Variants in FSHB observed in about 807,000 individuals in gnomAD.
FSHB encodes follitropin subunit beta.
Under a neutral mutation model 12.1 loss-of-function variants are expected in FSHB, and 8 were observed. That is an observed-to-expected ratio of 0.66 (90% CI 0.39 to 1.19). FSHB has a LOEUF of 1.19. FSHB is among the 50% of genes most tolerant of loss of function. The pLI is 0.01. For missense variants in FSHB, 153 were observed against 157.2 expected, an observed-to-expected ratio of 0.97 and a Z score of 0.14; for synonymous variants, 55 against 54.6, an observed-to-expected ratio of 1.01 and a Z score of -0.04.
At position 30,233,511 on chromosome 11, in the gene FSHB, C is replaced by T. The variant is rs144502178; in HGVS notation, c.160-59C>T. The T allele has an allele frequency of 2.8e-3, 3,824 of 1,365,350 alleles. 31 individuals are homozygous for T. The highest frequency in any genetic ancestry group is 0.018 in the Middle Eastern group (100 of 5,596). 84.6% of individuals were successfully genotyped at this position (1,365,350 alleles called of 1,614,324 possible). A position where few individuals can be genotyped will look rare whatever the true frequency, so the allele number is the denominator to read the frequency against. On this transcript the variant is annotated intron_variant, in intron 2 of 2. Coordinates refer to ENST00000533718, the MANE Select transcript of FSHB (RefSeq NM_001382289.1). ...GTATTCAATTTCTGTCTCATTTTGA[C>T]TAAGCTAAATAGGAACTTCCACAAT...
intron 1 of FSHB, among the ~76,000 whole-genome samples, chr11:30,231,366 T>G (rs1196957802): frequency 6.6e-6 from 1 of 152,172 alleles, no homozygotes; most frequent in Non-Finnish European, 1.5e-5. Context: ...TGGTGGCTCA[T>G]GCTTGTAATC....
At position 30,231,857 on chromosome 11, in the gene FSHB, G is replaced by T; in HGVS notation, c.-37-9G>T. The T allele has an allele frequency of 6.2e-7, 1 of 1,606,998 alleles. No individual in the cohort carries two copies. Among genetic ancestry groups the T allele is most frequent in the Non-Finnish European group, 8.5e-7 (1 of 1,174,022 alleles). On this transcript the variant is annotated splice_polypyrimidine_tract_variant and intron_variant, in intron 1 of 2. Coordinates refer to ENST00000533718, the MANE Select transcript of FSHB (RefSeq NM_001382289.1). ...CTTACATAATGATTATCGTTCTTTG[G>T]TTTCTCAGTTTCTAGTGGGCTTCAT...
At chr11:30,232,808 G>A (rs947192685) in intron 2 of FSHB, among the ~76,000 whole-genome samples, 2 of 152,004 alleles carry the variant, frequency 1.3e-5, no homozygotes, top group Non-Finnish European at 1.5e-5. Flanking sequence ...TTAAATGAAC[G>A]ATACTTTATT....
At position 30,233,881 on chromosome 11, in the gene FSHB, C is replaced by A. The variant is rs1489300980; in HGVS notation, c.*81C>A. ...AAAAGTCTGTGTGTGTGCAATGTGC[C>A]CAGGGGACAAACCACTGGATCAGGG... On this transcript the variant is annotated 3_prime_UTR_variant, in exon 3 of 3. Coordinates refer to ENST00000533718, the MANE Select transcript of FSHB (RefSeq NM_001382289.1). 1.7e-6 allele frequency: 2 copies of A among 1,156,556 alleles called. No individual in the cohort carries two copies. Among genetic ancestry groups the A allele is most frequent in the Non-Finnish European group, 2.5e-6 (2 of 787,716 alleles). 71.6% of individuals were successfully genotyped at this position (1,156,556 alleles called of 1,614,324 possible). A position where few individuals can be genotyped will look rare whatever the true frequency, so the allele number is the denominator to read the frequency against.
chr11:30,231,300 T>C (rs929911294), intron 1 of FSHB, among the ~76,000 whole-genome samples: 1 of 152,206 alleles, frequency 6.6e-6, no homozygotes, highest in Non-Finnish European at 1.5e-5. Context: ...AAAATATTTA[T>C]GAGATTCTAA....
intron 2 of FSHB, among the ~76,000 whole-genome samples, chr11:30,232,401 A>G (rs1378999473): frequency 6.6e-6 from 1 of 152,258 alleles, no homozygotes; most frequent in Non-Finnish European, 1.5e-5. Flanking sequence ...TAAAGGACCT[A>G]TAATATTCTC....
Position 30,232,009 on chromosome 11 carries a change from G to A in FSHB, c.107G>A (p.Arg36His), listed in dbSNP as rs138072399. The change falls in exon 2 of 3, where the codon CGT becomes CAT. Residue 36 changes from arginine (R) to histidine (H), a missense_variant. By Grantham distance (29) the Arg-to-His change is conservative. Coordinates refer to ENST00000533718, the MANE Select transcript of FSHB (RefSeq NM_001382289.1). The part of the protein sequence containing the change: ...ITIAIEKEEC[R>H]FCISINTTWC... ...ATTGCAATAGAGAAAGAAGAATGTC[G>A]TTTCTGCATAAGCATCAACACCACT... The A allele has an allele frequency of 4.8e-5, 77 of 1,613,936 alleles. No homozygotes were observed. The highest frequency in any genetic ancestry group is 1.7e-4 in the Middle Eastern group (1 of 6,058).
chr11:30,231,313 A>C (rs867256067), intron 1 of FSHB, among the ~76,000 whole-genome samples: 34 of 152,328 alleles, frequency 2.2e-4, no homozygotes, highest in African/African-American at 7.5e-4. Flanking sequence ...GATTCTAAAA[A>C]TGAAGACATA....
In FSHB at chr11:30,233,671, T is replaced by C. The variant is rs1852039089; in HGVS notation, c.261T>C (p.His87=). 1.2e-6 allele frequency: 2 copies of C among 1,614,042 alleles called. No homozygotes were observed. Among genetic ancestry groups the C allele is most frequent in the African/African-American group, 1.3e-5 (1 of 75,050 alleles). ...ETVRVPGCAH[H]ADSLYTYPVA... is the part of the protein sequence containing the mutation. ...TGAGAGTGCCCGGCTGTGCTCACCA[T>C]GCAGATTCCTTGTATACATACCCAG... Residue 87 remains histidine, a synonymous_variant, in exon 3 of 3, where the codon CAT becomes CAC. Transcript: ENST00000533718.
rs774392083 is a variant in FSHB, at chr11:30,232,041, G to A, written c.139G>A (p.Ala47Thr). 1 of 1,613,876 alleles carries A rather than the reference G, an allele frequency of 6.2e-7. No homozygotes were observed. Among genetic ancestry groups the A allele is most frequent in the Non-Finnish European group, 8.5e-7 (1 of 1,179,838 alleles). ...FCISINTTWC[A>T]GYCYTRDLVY... is the part of the protein sequence containing the mutation. ...CATAAGCATCAACACCACTTGGTGT[G>A]CTGGCTACTGCTACACCAGGGTAGG... Residue 47 changes from alanine to threonine, a missense_variant, in exon 2 of 3, where the codon GCT (alanine) becomes ACT (threonine). By Grantham distance (58) the Ala-to-Thr change is moderately conservative. Transcript: ENST00000533718.
At position 30,233,911 on chromosome 11, in the gene FSHB, C is replaced by T; in HGVS notation, c.*111C>T. 1 of 859,994 alleles carries T rather than the reference C, an allele frequency of 1.2e-6. No individual in the cohort carries two copies. Among genetic ancestry groups the T allele is most frequent in the Non-Finnish European group, 1.9e-6 (1 of 528,906 alleles). The allele number at this position is 859,994 out of a possible 1,614,324, so 53.3% of individuals were successfully genotyped here. On this transcript the variant is annotated 3_prime_UTR_variant, in exon 3 of 3. Coordinates refer to ENST00000533718, the MANE Select transcript of FSHB (RefSeq NM_001382289.1). ...GGACAAACCACTGGATCAGGGGATT[C>T]AGACTCTACTGATCCCTGGTCTACT...
intron 1 of FSHB, among the ~76,000 whole-genome samples, chr11:30,231,565 A>G (rs183235901): frequency 6.6e-6 from 1 of 152,344 alleles, no homozygotes; most frequent in African/African-American, 2.4e-5. Flanking sequence ...AAGAACAAAT[A>G]TGATGATCAC....
chr11:30,231,381 C>G (rs1852003257), intron 1 of FSHB, among the ~76,000 whole-genome samples: 1 of 152,246 alleles, frequency 6.6e-6, no homozygotes, highest in South Asian at 2.1e-4. Context: ...GTAATCCCAG[C>G]ACTTTGGGAG....
At position 30,233,838 on chromosome 11, in the gene FSHB, GAAGGACC is replaced by G. The variant is rs748525557; in HGVS notation, c.*42_*48del. ...ATTTCAGGCCACATACCCTTGTCCT[GAAGGACC>G]AAGATATTCAAAAAGTCTGTGTGTG... On this transcript the variant is annotated 3_prime_UTR_variant, in exon 3 of 3. Coordinates refer to ENST00000533718, the MANE Select transcript of FSHB (RefSeq NM_001382289.1). 2 of 1,541,870 alleles carry G rather than the reference GAAGGACC, an allele frequency of 1.3e-6. No individual in the cohort carries two copies. Among genetic ancestry groups the G allele is most frequent in the South Asian group, 1.1e-5 (1 of 88,694 alleles).
At position 30,233,875 on chromosome 11, in the gene FSHB, A is replaced by T. The variant is rs1852044585; in HGVS notation, c.*75A>T. The T allele has an allele frequency of 8.0e-7, 1 of 1,256,526 alleles. No homozygotes were observed. The highest frequency in any genetic ancestry group is 1.9e-5 in the Admixed American group (1 of 53,538). The allele number at this position is 1,256,526 out of a possible 1,614,324, so 77.8% of individuals were successfully genotyped here. A position where few individuals can be genotyped will look rare whatever the true frequency, so the allele number is the denominator to read the frequency against. On this transcript the variant is annotated 3_prime_UTR_variant, in exon 3 of 3. Coordinates refer to ENST00000533718, the MANE Select transcript of FSHB (RefSeq NM_001382289.1). ...TATTCAAAAAGTCTGTGTGTGTGCA[A>T]TGTGCCCAGGGGACAAACCACTGGA...
chr11:30,234,244 C>A lies in FSHB; in HGVS notation c.*444C>A. The stretch of plus-strand genomic sequence containing the variant: ...TCAGCATTGTAGCGTCAATGCCTAG[C>A]ACTCTGCCTGGAACTTAGAAACACA... On this transcript the variant is annotated 3_prime_UTR_variant, in exon 3 of 3. Transcript: ENST00000533718. The A allele has an allele frequency of 4.9e-6, 1 of 206,038 alleles. No individual in the cohort carries two copies. The allele number at this position is 206,038 out of a possible 1,614,324, so 12.8% of individuals were successfully genotyped here. A position where few individuals can be genotyped will look rare whatever the true frequency, so the allele number is the denominator to read the frequency against.
intron 1 of FSHB, 56 bp from the exon 2 acceptor site, chr11:30,231,810 C>A (rs1852010372): frequency 1.4e-6 from 2 of 1,391,264 alleles, no homozygotes; most frequent in Non-Finnish European, 2.0e-6. Flanking sequence ...ATGAGCAGAC[C>A]AATTATTTTT....
chr11:30,232,141 AT>A, intron 2 of FSHB, 80 bp downstream of exon 2: 1 of 1,427,430 alleles, frequency 7.0e-7, no homozygotes, highest in Non-Finnish European at 9.8e-7. Flanking sequence ...CTTTATCAAT[AT>A]TTTATGTATT....
intron 2 of FSHB, among the ~76,000 whole-genome samples, chr11:30,232,700 A>G (rs1168750603): frequency 2.6e-5 from 4 of 152,212 alleles, no homozygotes; most frequent in African/African-American, 9.6e-5. Context: ...ATACAAGTAG[A>G]GAAATAGTTT....
Sources: gnomAD v4.1 joint callset for allele counts (sites outside exome capture counted in the v4.1 genomes callset) on GRCh38, gnomAD v4.1.1 for gene constraint, MANE v1.5 for transcripts, NCBI Gene and HGNC (gene_info 2026-07-23, HGNC 2026-07-21) for gene names.